SH2B2: variants seen among roughly 807,000 people sequenced by gnomAD.
SH2B2 encodes the protein SH2B adaptor protein 2.
A neutral mutation model predicts 35.7 loss-of-function variants in SH2B2; 37 were observed. The observed-to-expected ratio is 1.04, with a 90% CI of 0.80 to 1.36. The LOEUF (loss-of-function observed/expected upper bound fraction) is 1.36. SH2B2 is among the 40% of genes most tolerant of loss of function. The probability of loss-of-function intolerance (pLI) is 0.00; values close to 1 mark genes in which losing one functional copy is unlikely to be tolerated. For synonymous variants in SH2B2, 383 were observed against 376.4 expected, an observed-to-expected ratio of 1.02 and a Z score of -0.20; for missense variants, 852 against 817.7, an observed-to-expected ratio of 1.04 and a Z score of -0.51.
At chr7:102,321,001 G>T (rs1407357599) in intron 8 of SH2B2, among the ~76,000 whole-genome samples, 1 of 152,192 alleles carries the variant, frequency 6.6e-6, no homozygotes, top group Admixed American at 6.5e-5. Flanking sequence ...GCGTGTGCAT[G>T]CGTGCATGGG....
chr7:102,317,731 A>T (rs1793908622), intron 7 of SH2B2, among the ~76,000 whole-genome samples: 1 of 152,088 alleles, frequency 6.6e-6, no homozygotes, highest in Non-Finnish European at 1.5e-5. Context: ...ATCTCATAGC[A>T]CTGGAGCTTC....
intron 1 of SH2B2, among the ~76,000 whole-genome samples, chr7:102,291,620 G>A (rs913002288): frequency 1.3e-5 from 2 of 152,222 alleles, no homozygotes; most frequent in African/African-American, 4.8e-5. Context: ...GCCTTCTGCC[G>A]GGGTGGTGGA....
At chr7:102,311,318 A>C (rs373513449) in intron 4 of SH2B2, among the ~76,000 whole-genome samples, 65 of 151,102 alleles carry the variant, frequency 4.3e-4, no homozygotes, top group African/African-American at 1.5e-3. Context: ...GTAATGGCAC[A>C]ATCTCAGCTC....
At chr7:102,317,752 C>T (rs1287450293) in intron 7 of SH2B2, among the ~76,000 whole-genome samples, 1 of 152,188 alleles carries the variant, frequency 6.6e-6, no homozygotes, top group African/African-American at 2.4e-5. Flanking sequence ...GGAGGGTCTC[C>T]ACCCAGAGAT....
chr7:102,306,685 G>A, intron 2 of SH2B2, 36 bp from the exon 3 acceptor site: 1 of 1,464,964 alleles, frequency 6.8e-7, no homozygotes, highest in Non-Finnish European at 9.4e-7. Context: ...GTCGGGAAAT[G>A]CTGGGGCCAC....
At chr7:102,307,228 G>A (rs1793438804) in intron 3 of SH2B2, among the ~76,000 whole-genome samples, 1 of 152,240 alleles carries the variant, frequency 6.6e-6, no homozygotes, top group Non-Finnish European at 1.5e-5. Flanking sequence ...GTCTCCCACA[G>A]AGGGCACAAA....
At chr7:102,296,073 CCGCTGGT>C (rs1792903384) in intron 1 of SH2B2, among the ~76,000 whole-genome samples, 1 of 152,198 alleles carries the variant, frequency 6.6e-6, no homozygotes, top group Non-Finnish European at 1.5e-5. Context: ...TCCTAGGAGA[CCGCTGGT>C]TTGGAAACCT....
chr7:102,306,951 G>A, intron 3 of SH2B2, 129 bp downstream of exon 3: 1 of 715,746 alleles, frequency 1.4e-6, no homozygotes, highest in Non-Finnish European at 2.4e-6. Flanking sequence ...GGGAGCCCTG[G>A]TGTGGGGGGT....
intron 4 of SH2B2, among the ~76,000 whole-genome samples, chr7:102,313,171 G>T (rs944020983): frequency 2.7e-5 from 4 of 149,874 alleles, no homozygotes; most frequent in African/African-American, 9.8e-5. Flanking sequence ...TTGCGGCCAG[G>T]TGCAGTGGCT....
intron 6 of SH2B2, among the ~76,000 whole-genome samples, chr7:102,315,136 C>T (rs1344572694): frequency 1.3e-5 from 2 of 151,548 alleles, no homozygotes; most frequent in Non-Finnish European, 2.9e-5. Flanking sequence ...TTGCAGTGAG[C>T]CAAGATCACG....
chr7:102,304,516 C>G (rs1443254738), intron 2 of SH2B2, among the ~76,000 whole-genome samples: 5 of 152,222 alleles, frequency 3.3e-5, no homozygotes, highest in Non-Finnish European at 7.3e-5. Context: ...AAGTGTTCAC[C>G]AGGTGGCCAG....
At chr7:102,296,013 G>A (rs2132928969) in intron 1 of SH2B2, among the ~76,000 whole-genome samples, 1 of 152,220 alleles carries the variant, frequency 6.6e-6, no homozygotes, top group Middle Eastern at 3.4e-3. Context: ...CCTCTTGAAG[G>A]AAACCTTCCA....
At chr7:102,287,166 G>C (rs1283127760) in intron 1 of SH2B2, 72 bp downstream of exon 1, 1 of 152,188 alleles carries the variant, frequency 6.6e-6, no homozygotes, top group Non-Finnish European at 1.5e-5. Context: ...CCCCGGGGAC[G>C]TGCGCTGTGT....
At chr7:102,295,178 G>A (rs1487226335) in intron 1 of SH2B2, among the ~76,000 whole-genome samples, 3 of 152,182 alleles carry the variant, frequency 2.0e-5, no homozygotes, top group Non-Finnish European at 2.9e-5. Flanking sequence ...CTAGGACTCG[G>A]CACTGGGGCT....
rs781833610 is a variant in SH2B2 at position 102,320,373 on chromosome 7, C to T, written c.1438C>T (p.Gln480Ter). 1 of 1,613,380 alleles carries T rather than the reference C, an allele frequency of 6.2e-7. No homozygotes were observed. The highest frequency in any genetic ancestry group is 8.5e-7 in the Non-Finnish European group (1 of 1,179,878). The change falls in exon 8 of 9, where the codon CAG becomes TAG. Residue 480 changes from glutamine (Q) to a stop codon, truncating the protein, a stop_gained. Coordinates refer to ENST00000444095, the MANE Select transcript of SH2B2 (RefSeq NM_001359228.2). LOFTEE classifies it high-confidence loss of function. ...GAACGGCCACGGCCAGTGTCACGTA[C>T]AGCATCTGTGGTTCCAGTCTGTGCT... is the stretch of plus-strand genomic sequence containing the variant. ...SLNGHGQCHV[Q>*]HLWFQSVLDM...
intron 7 of SH2B2, 56 bp from the exon 8 acceptor site, chr7:102,320,273 GCT>G (rs1554558066): frequency 1.4e-6 from 2 of 1,424,208 alleles, no homozygotes; most frequent in Non-Finnish European, 2.0e-6. Flanking sequence ...CCCCAAAGGC[GCT>G]TACCCAGGTG....
rs564220279 is a variant in SH2B2, at chr7:102,303,012, T to A, written c.729+1733T>A. Among the ~76,000 whole-genome samples, 8 of 152,036 alleles carry A rather than the reference T, an allele frequency of 5.3e-5. No individual in the cohort carries two copies. The South Asian group carries it at 1.7e-3, about 32-fold the overall frequency. On this transcript the variant is annotated intron_variant, in intron 2 of 8. Transcript: ENST00000444095. ...ACTTTGGGAGGCCGAGGCAGGTGGATCACCTGAGGTCAGGGGTTCGTGACC... is the reference window on the plus strand; with the variant it reads ...ACTTTGGGAGGCCGAGGCAGGTGGAACACCTGAGGTCAGGGGTTCGTGACC...
chr7:102,301,242 A>G lies in SH2B2; in HGVS notation c.692A>G (p.Glu231Gly). 1.9e-6 allele frequency: 3 copies of G among 1,604,654 alleles called. No homozygotes were observed. The highest frequency in any genetic ancestry group is 2.6e-6 in the Non-Finnish European group (3 of 1,176,316). The change falls in exon 2 of 9, where the codon GAG (glutamate) becomes GGG (glycine). Residue 231 changes from glutamate (E) to glycine (G), a missense_variant. Transcript: ENST00000444095. ...CTGCTCCTGCGCAGGGCTGTGGCCG[A>G]GGAACGCTTCCGCCTGGAGTTCTTC... Reference protein sequence around the residue: ...CRLLLRRAVAEERFRLEFFVP... With the variant: ...CRLLLRRAVAGERFRLEFFVP...
intron 1 of SH2B2, among the ~76,000 whole-genome samples, chr7:102,288,850 C>A (rs942508176): frequency 4.6e-5 from 7 of 152,234 alleles, no homozygotes; most frequent in Non-Finnish European, 7.3e-5. Flanking sequence ...GGCCTCCCAA[C>A]CACTCCTCTC....
Sources: allele counts gnomAD v4.1 joint callset (sites outside exome capture counted in the v4.1 genomes callset), GRCh38; gene constraint gnomAD v4.1.1; transcripts MANE v1.5; gene names NCBI Gene and HGNC (gene_info 2026-07-23, HGNC 2026-07-21).